MYOF: variants seen among roughly 807,000 people sequenced by gnomAD.
MYOF encodes the protein fer-1-like 3, myoferlin.
A neutral mutation model predicts 284.2 loss-of-function variants in MYOF; 244 were observed. That is an observed-to-expected ratio of 0.86 (90% CI 0.77 to 0.95). The LOEUF is 0.95. MYOF is among the 40% of genes least tolerant of loss of function. The pLI, the probability that MYOF is intolerant of heterozygous loss-of-function variation, is 0.00. For missense variants in MYOF, 2,496 were observed against 2,560.6 expected (o/e 0.97, Z 0.54); for synonymous variants, 904 against 919.7 (o/e 0.98, Z 0.31).
At chr10:93,393,468 G>C (rs559623873) in intron 16 of MYOF, among the ~76,000 whole-genome samples, 48 of 152,208 alleles carry the variant, frequency 3.2e-4, no homozygotes, top group Admixed American at 5.9e-4. Flanking sequence ...CCCATGGTCT[G>C]CAGGGCCTGC....
At chr10:93,440,201 C>G (rs1420204217) in intron 3 of MYOF, among the ~76,000 whole-genome samples, 1 of 152,102 alleles carries the variant, frequency 6.6e-6, no homozygotes, top group Non-Finnish European at 1.5e-5. Context: ...ATCACGAGGT[C>G]AAGAGATCAA....
intron 9 of MYOF, 141 bp downstream of exon 9, chr10:93,403,882 A>T: frequency 1.2e-6 from 1 of 842,708 alleles, no homozygotes; most frequent in Non-Finnish European, 1.9e-6. Context: ...ACAAGCCCCA[A>T]GCAGCCTTCA....
intron 3 of MYOF, among the ~76,000 whole-genome samples, chr10:93,444,882 C>G (rs2134275019): frequency 6.6e-6 from 1 of 152,290 alleles, no homozygotes; most frequent in Middle Eastern, 3.4e-3. Context: ...AGGGTCCCAG[C>G]CTCCACCCCT....
At position 93,366,491 on chromosome 10, in the gene MYOF, A is replaced by G; in HGVS notation, c.2654T>C (p.Phe885Ser). Residue 885 changes from phenylalanine to serine, a missense_variant, in exon 26 of 54, where the codon TTT becomes TCT. Phe to Ser is a radical substitution (Grantham distance 155, BLOSUM62 -2). This residue lies in a region of MYOF where 2,436 missense variants were observed against 2,480.7 expected (regional missense o/e 0.98). Coordinates refer to ENST00000359263, the MANE Select transcript of MYOF (RefSeq NM_013451.4). The part of the protein sequence containing the change: ...GTSGLVGRHK[F>S]SDVTGKIKLK... ...TTTTATTTTTCCTGTGACATCAGAAAACTTATGACGTCCTACTAATCCAGA... is the reference window on the plus strand; with the variant it reads ...TTTTATTTTTCCTGTGACATCAGAAGACTTATGACGTCCTACTAATCCAGA... The G allele has an allele frequency of 6.2e-7, 1 of 1,613,984 alleles. No individual in the cohort carries two copies. The highest frequency in any genetic ancestry group is 2.2e-5 in the East Asian group (1 of 44,866).
chr10:93,422,522 C>T (rs758107750), intron 5 of MYOF, among the ~76,000 whole-genome samples: 1 of 152,174 alleles, frequency 6.6e-6, no homozygotes, highest in Non-Finnish European at 1.5e-5. Context: ...TGGGGCCAGG[C>T]GTGGTGGCTC....
At chr10:93,363,801 T>C (rs1375933064) in intron 27 of MYOF, among the ~76,000 whole-genome samples, 160 bp downstream of exon 27, 1 of 152,240 alleles carries the variant, frequency 6.6e-6, no homozygotes, top group Admixed American at 6.5e-5. Flanking sequence ...AAAATACTTA[T>C]TGTGGCACTT....
chr10:93,306,875 T>TCAGA lies in MYOF; in HGVS notation c.*84_*87dup. 1 of 1,396,062 alleles carries TCAGA rather than the reference T, an allele frequency of 7.2e-7. No homozygotes were observed. Among genetic ancestry groups the TCAGA allele is most frequent in the Non-Finnish European group, 1.0e-6 (1 of 987,334 alleles). The allele number at this position is 1,396,062 out of a possible 1,614,324, so 86.5% of individuals were successfully genotyped here. A position where few individuals can be genotyped will look rare whatever the true frequency, so the allele number is the denominator to read the frequency against. ...CGTAACCTGCTACTGGGGTGTGGTC[T>TCAGA]CAGACACAAAATCACACTGGATGTT... On this transcript the variant is annotated 3_prime_UTR_variant, in exon 54 of 54. Coordinates refer to ENST00000359263, the MANE Select transcript of MYOF (RefSeq NM_013451.4).
In MYOF at chr10:93,408,770, C is replaced by T. The variant is rs1162973459; in HGVS notation, c.729+17G>A. 2 of 1,613,960 alleles carry T rather than the reference C, an allele frequency of 1.2e-6. No individual in the cohort carries two copies. Among genetic ancestry groups the T allele is most frequent in the Non-Finnish European group, 1.7e-6 (2 of 1,179,932 alleles). On this transcript the variant is annotated intron_variant, in intron 7 of 53. Transcript: ENST00000359263. ...GTGGGACTCATGAGCAGAAACATGC[C>T]CTCTCAACCCCTTTACCTCATCAAA...
chr10:93,326,075 G>T, intron 45 of MYOF, 110 bp from the exon 46 acceptor site: 4 of 1,380,116 alleles, frequency 2.9e-6, no homozygotes, highest in Non-Finnish European at 4.0e-6. Flanking sequence ...AAATGGACAG[G>T]CAGTGCCAAC....
In MYOF at chr10:93,306,874, C is replaced by A; in HGVS notation, c.*89G>T. On this transcript the variant is annotated 3_prime_UTR_variant, in exon 54 of 54. Transcript: ENST00000359263. ...GCGTAACCTGCTACTGGGGTGTGGT[C>A]TCAGACACAAAATCACACTGGATGT... is the stretch of plus-strand genomic sequence containing the variant. 1 of 1,388,724 alleles carries A rather than the reference C, an allele frequency of 7.2e-7. No homozygotes were observed. The highest frequency in any genetic ancestry group is 1.2e-5 in the South Asian group (1 of 84,484). 86.0% of individuals were successfully genotyped at this position (1,388,724 alleles called of 1,614,324 possible).
At position 93,323,073 on chromosome 10, in the gene MYOF, C is replaced by T. The variant is rs1376258031; in HGVS notation, c.5456+5G>A. 1.9e-6 allele frequency: 3 copies of T among 1,612,650 alleles called. No homozygotes were observed. The highest frequency in any genetic ancestry group is 2.2e-5 in the South Asian group (2 of 91,066). ...TTGGCAAAGTCTCTCACATGCTAAC[C>T]TTACCCTTTGACGTAGATGTCACTC... is the stretch of plus-strand genomic sequence containing the variant. On this transcript the variant is annotated splice_donor_5th_base_variant and intron_variant, in intron 48 of 53. Transcript: ENST00000359263.
chr10:93,387,353 G>T (rs1240104280), intron 19 of MYOF, among the ~76,000 whole-genome samples: 1 of 152,206 alleles, frequency 6.6e-6, no homozygotes, highest in African/African-American at 2.4e-5. Flanking sequence ...TCTCAGAAAT[G>T]GTTGGGGAAG....
At chr10:93,323,649 T>C (rs527670262) in intron 46 of MYOF, 1 of 391,752 alleles carries the variant, frequency 2.6e-6, no homozygotes, top group South Asian at 4.5e-5. Context: ...AGACTTCCCA[T>C]CACTAACCCA....
rs561136745 is a variant in MYOF, at chr10:93,362,018, G to A, written c.2869-461C>T. 1.8e-3 allele frequency among the ~76,000 whole-genome samples: 277 copies of A among 151,980 alleles called. 1 individual carries two copies. Among genetic ancestry groups the A allele is most frequent in the Non-Finnish European group, 3.6e-3 (242 of 67,966 alleles). ...GGCTGGAGTGCAGTGGCGTAATCTC[G>A]GCTCACTGCAACCTCTGCCTCCTGG... is the stretch of plus-strand genomic sequence containing the variant. On this transcript the variant is annotated intron_variant, in intron 27 of 53. Transcript: ENST00000359263.
chr10:93,384,048 A>C (rs1215808059), intron 19 of MYOF, among the ~76,000 whole-genome samples: 6 of 152,214 alleles, frequency 3.9e-5, no homozygotes, highest in African/African-American at 9.6e-5. Flanking sequence ...TCTGGCCATC[A>C]GCACAATTCC....
intron 1 of MYOF, among the ~76,000 whole-genome samples, chr10:93,480,823 G>A (rs954704584): frequency 3.9e-5 from 6 of 152,100 alleles, no homozygotes; most frequent in African/African-American, 1.2e-4. Context: ...CATCCTCAGA[G>A]AGAGAGGTTT....
At chr10:93,478,920 T>G (rs2057331813) in intron 1 of MYOF, among the ~76,000 whole-genome samples, 1 of 151,256 alleles carries the variant, frequency 6.6e-6, no homozygotes, top group South Asian at 2.1e-4. Context: ...TACAGCACAA[T>G]CCCAAGTACA....
chr10:93,397,814 A>G (rs955219608), intron 13 of MYOF, among the ~76,000 whole-genome samples: 2 of 151,960 alleles, frequency 1.3e-5, no homozygotes, highest in Admixed American at 1.3e-4. Context: ...CCTGCCCGCC[A>G]GCCTCCCTGC....
At chr10:93,478,860 G>GAAAGAAAGAAAGAAAGAAAGAAAGAAA (rs1421937106) in intron 1 of MYOF, among the ~76,000 whole-genome samples, 65 of 145,696 alleles carry the variant, frequency 4.5e-4, no homozygotes, top group Non-Finnish European at 5.6e-4. Context: ...AAGAAAGAAA[G>GAAAGAAAGAAAGAAAGAAAGAAAGAAA]GGTTTGAACA....
Sources: allele counts gnomAD v4.1 joint callset (sites outside exome capture counted in the v4.1 genomes callset), GRCh38; gene constraint gnomAD v4.1.1; regional missense constraint gnomAD v4.1.1; transcripts MANE v1.5; gene names NCBI Gene and HGNC (gene_info 2026-07-23, HGNC 2026-07-21).